The following AK2 variants were observed in gnomAD, a reference collection of about 807,000 sequenced individuals.
AK2 encodes the protein adenylate kinase 2, also known as adenylate kinase 2, mitochondrial.
A neutral mutation model predicts 24.6 loss-of-function variants in AK2; 15 were observed. The observed-to-expected ratio is 0.61, with a 90% CI of 0.41 to 0.94. The LOEUF (loss-of-function observed/expected upper bound fraction) is 0.94. Ranked by LOEUF, AK2 falls within the 40% of genes least tolerant of loss-of-function variation. The pLI is 0.00. For synonymous variants in AK2, 102 were observed against 114.0 expected, an observed-to-expected ratio of 0.90 and a Z score of 0.67; for missense variants, 257 against 304.1, an observed-to-expected ratio of 0.85 and a Z score of 1.15.
chr1:33,026,384 T>C (rs1639884677), intron 1 of AK2, among the ~76,000 whole-genome samples: 1 of 152,108 alleles, frequency 6.6e-6, no homozygotes, highest in Non-Finnish European at 1.5e-5. Flanking sequence ...AATTGGGAGT[T>C]TTCTTAGGTG....
rs1201535854 is a variant in AK2 at position 33,012,529 on chromosome 1, A to G, written c.*652T>C. 1 of 1,329,592 alleles carries G rather than the reference A, an allele frequency of 7.5e-7. No individual in the cohort carries two copies. The highest frequency in any genetic ancestry group is 9.8e-7 in the Non-Finnish European group (1 of 1,017,548). The allele number at this position is 1,329,592 out of a possible 1,614,324, so 82.4% of individuals were successfully genotyped here. On this transcript the variant is annotated 3_prime_UTR_variant, in exon 6 of 6. Transcript: ENST00000672715. ...TGGAAGAAATACTATGAGGTTCTGG[A>G]ATTGCGGTCCCTGGAAGATTACCTG...
intron 1 of AK2, among the ~76,000 whole-genome samples, chr1:33,034,727 T>C (rs975188012): frequency 6.6e-6 from 1 of 152,138 alleles, no homozygotes; most frequent in Non-Finnish European, 1.5e-5. Context: ...ATTCCATAAT[T>C]ACTGAAATTA....
chr1:33,033,734 T>A (rs990860688), intron 1 of AK2, among the ~76,000 whole-genome samples: 2 of 152,176 alleles, frequency 1.3e-5, no homozygotes, highest in Non-Finnish European at 2.9e-5. Flanking sequence ...CACCAGTTAA[T>A]GGTTGGGGCT....
In AK2 at chr1:33,012,270, G is replaced by T. The variant is rs1377490588; in HGVS notation, c.*911C>A. On this transcript the variant is annotated 3_prime_UTR_variant, in exon 6 of 6. Coordinates refer to ENST00000672715, the MANE Select transcript of AK2 (RefSeq NM_001625.4). ...TCACAAAAATATTCCAATTTGGCCT[G>T]GCTCTTTTTATGACGATATCCTCTC... 1 of 1,534,646 alleles carries T rather than the reference G, an allele frequency of 6.5e-7. No individual in the cohort carries two copies. The highest frequency in any genetic ancestry group is 1.2e-5 in the South Asian group (1 of 83,640).
intron 2 of AK2, among the ~76,000 whole-genome samples, chr1:33,022,843 ACT>A (rs1639644437): frequency 6.6e-6 from 1 of 152,140 alleles, no homozygotes; most frequent in Admixed American, 6.5e-5. Context: ...CAAAGTACAC[ACT>A]CTGCAACTAA....
chr1:33,009,522 G>A lies in AK2; in HGVS notation c.*3659C>T, dbSNP rs1338957859. The A allele has an allele frequency of 1.8e-5, 8 of 454,146 alleles. No individual in the cohort carries two copies. In the East Asian group the frequency reaches 2.8e-4, roughly 16 times the overall value. The allele number at this position is 454,146 out of a possible 1,614,324, so 28.1% of individuals were successfully genotyped here. ...TGGATCCAACTAACATTTATCCAAT[G>A]TCTGTTGCATGCCAGGTACTGAGCA... is the stretch of plus-strand genomic sequence containing the variant. On this transcript the variant is annotated 3_prime_UTR_variant, in exon 6 of 6. Transcript: ENST00000672715.
In AK2 at chr1:33,013,351, T is replaced by C; in HGVS notation, c.550A>G (p.Lys184Glu). ...RRSDDNEKAL[K>E]IRLQAYHTQT... ...GTGTGGTAGGCTTGCAGGCGGATTT[T>C]CAAGGCCTTTTCATTATCATCTGAT... The change falls in exon 6 of 6, where the codon AAA becomes GAA. Residue 184 changes from lysine to glutamate, a missense_variant. Lys to Glu is a moderately conservative substitution (Grantham distance 56). Coordinates refer to ENST00000672715, the MANE Select transcript of AK2 (RefSeq NM_001625.4). 1 of 1,614,184 alleles carries C rather than the reference T, an allele frequency of 6.2e-7. No homozygotes were observed.
chr1:33,021,652 A>G lies in AK2; in HGVS notation c.271T>C (p.Leu91=). Residue 91 remains leucine, a synonymous_variant, in exon 3 of 6, where the codon TTG becomes CTG. Transcript: ENST00000672715. ...TCCAGAAGAAAACCATTTTTGCACA[A>G]GGGGGTCTCCAAATTCTTCTCAATG... is the stretch of plus-strand genomic sequence containing the variant. ...ELIEKNLETP[L]CKNGFLLDGF... is the part of the protein sequence containing the mutation. 6.2e-7 allele frequency: 1 copy of G among 1,614,160 alleles called. No homozygotes were observed. The highest frequency in any genetic ancestry group is 1.1e-5 in the South Asian group (1 of 91,084).
chr1:33,036,832 C>A lies in AK2; in HGVS notation c.-4G>T, dbSNP rs2335940. On this transcript the variant is annotated 5_prime_UTR_variant, in exon 1 of 6. Coordinates refer to ENST00000672715, the MANE Select transcript of AK2 (RefSeq NM_001625.4). ...CCGCTGGCACGCTGGGAGCCATGTCCGCCGAAGTCTCTCACTGCCACCAGT... is the reference window on the plus strand; with the variant it reads ...CCGCTGGCACGCTGGGAGCCATGTCAGCCGAAGTCTCTCACTGCCACCAGT... 5.0e-4 allele frequency: 786 copies of A among 1,587,096 alleles called. No individual in the cohort carries two copies. In the African/African-American group the frequency reaches 9.6e-3, roughly 19 times the overall value.
intron 1 of AK2, among the ~76,000 whole-genome samples, chr1:33,027,466 G>A (rs1328635566): frequency 1.3e-5 from 2 of 152,190 alleles, no homozygotes; most frequent in Admixed American, 6.5e-5. Context: ...TCCTGGCTGG[G>A]TATGGTGGCT....
intron 1 of AK2, chr1:33,029,605 G>A (rs576182113): frequency 6.6e-6 from 1 of 151,978 alleles, no homozygotes; most frequent in South Asian, 2.1e-4. Flanking sequence ...TAGAGATGGG[G>A]TTTCGTCATG....
intron 4 of AK2, among the ~76,000 whole-genome samples, chr1:33,018,297 T>C (rs1639319738): frequency 6.6e-6 from 1 of 152,164 alleles, no homozygotes; most frequent in Admixed American, 6.6e-5. Flanking sequence ...ATTGTTACAA[T>C]GGGTCCATAT....
chr1:33,028,702 C>T (rs1311600774), intron 1 of AK2, among the ~76,000 whole-genome samples: 1 of 152,116 alleles, frequency 6.6e-6, no homozygotes, highest in Non-Finnish European at 1.5e-5. Flanking sequence ...AGGCTCATCA[C>T]CTCTATGAAA....
chr1:33,014,600 A>G lies in AK2; in HGVS notation c.426-6T>C. 1.2e-6 allele frequency: 2 copies of G among 1,607,652 alleles called. No individual in the cohort carries two copies. Among genetic ancestry groups the G allele is most frequent in the Non-Finnish European group, 1.7e-6 (2 of 1,175,152 alleles). ...CACTCTTGGGGTGAATCAGCCTGAAAGACAGCAAATGAATATGAGTTAGGT... is the reference window on the plus strand; with the variant it reads ...CACTCTTGGGGTGAATCAGCCTGAAGGACAGCAAATGAATATGAGTTAGGT... On this transcript the variant is annotated splice_polypyrimidine_tract_variant and splice_region_variant and intron_variant, in intron 4 of 5. Transcript: ENST00000672715.
In AK2 at chr1:33,011,644, T is replaced by C; in HGVS notation, c.*1537A>G. 2 of 1,293,430 alleles carry C rather than the reference T, an allele frequency of 1.5e-6. No homozygotes were observed. Among genetic ancestry groups the C allele is most frequent in the Non-Finnish European group, 2.0e-6 (2 of 993,124 alleles). 80.1% of individuals were successfully genotyped at this position (1,293,430 alleles called of 1,614,324 possible). A position where few individuals can be genotyped will look rare whatever the true frequency, so the allele number is the denominator to read the frequency against. On this transcript the variant is annotated 3_prime_UTR_variant, in exon 6 of 6. Transcript: ENST00000672715. ...CGATATTATTTACTGGATCTGCCAC[T>C]GACTTTCTAATGGTTTTTCCAGAGG...
In AK2 at chr1:33,013,237, T is replaced by C. The variant is rs1259851576; in HGVS notation, c.664A>G (p.Ser222Gly). The C allele has an allele frequency of 6.2e-7, 1 of 1,613,872 alleles. No individual in the cohort carries two copies. The highest frequency in any genetic ancestry group is 2.2e-5 in the East Asian group (1 of 44,888). ...ASQTPDVVFA[S>G]ILAAFSKATC... ...GCTTTGGAGAAGGCTGCTAGGATGC[T>C]TGCGAACACGACATCGGGGGTCTGG... Residue 222 changes from serine to glycine, a missense_variant, in exon 6 of 6, where the codon AGC becomes GGC. Ser to Gly is a moderately conservative substitution (Grantham distance 56). Coordinates refer to ENST00000672715, the MANE Select transcript of AK2 (RefSeq NM_001625.4).
intron 1 of AK2, among the ~76,000 whole-genome samples, chr1:33,030,667 G>A (rs1396600828): frequency 1.3e-5 from 2 of 152,094 alleles, no homozygotes; most frequent in African/African-American, 4.8e-5. Context: ...ATTGTTTTAC[G>A]GTACTTAGTA....
At position 33,009,104 on chromosome 1, in the gene AK2, GGCTGGTTCAGGGA is replaced by G; in HGVS notation, c.*4064_*4076del. The G allele has an allele frequency of 2.2e-6, 1 of 453,368 alleles. No individual in the cohort carries two copies. The highest frequency in any genetic ancestry group is 4.4e-6 in the Non-Finnish European group (1 of 226,294). 28.1% of individuals were successfully genotyped at this position (453,368 alleles called of 1,614,324 possible). On this transcript the variant is annotated 3_prime_UTR_variant, in exon 6 of 6. Coordinates refer to ENST00000672715, the MANE Select transcript of AK2 (RefSeq NM_001625.4). ...GAGGAAGTGGAGCAGAAGAGGGAGG[GGCTGGTTCAGGGA>G]ACAGGATTTAATATGTCAGTGAAGA...
intron 5 of AK2, 29 bp downstream of exon 5, chr1:33,014,493 A>G (rs780001635): frequency 1.3e-6 from 2 of 1,588,988 alleles, no homozygotes; most frequent in African/African-American, 2.7e-5. Context: ...AGGAAAGAAA[A>G]GGAAATTTTT....
Sources: allele counts gnomAD v4.1 joint callset (sites outside exome capture counted in the v4.1 genomes callset), GRCh38; gene constraint gnomAD v4.1.1; transcripts MANE v1.5; gene names NCBI Gene and HGNC (gene_info 2026-07-23, HGNC 2026-07-21).